Variants in CNTN5 observed in about 807,000 individuals in gnomAD.
CNTN5 encodes the protein contactin-5.
Under a neutral mutation model 129.1 loss-of-function variants are expected in CNTN5, and 77 were observed. That is an observed-to-expected ratio of 0.60 (90% CI 0.50 to 0.72). The LOEUF (loss-of-function observed/expected upper bound fraction) is 0.72, where lower values mean the gene tolerates loss of function less well. Ranked by LOEUF, CNTN5 falls within the 30% of genes least tolerant of loss-of-function variation. The pLI is 0.00. For synonymous variants in CNTN5, 509 were observed against 465.6 expected (o/e 1.09, Z -1.20); for missense variants, 1,478 against 1,328.8 (o/e 1.11, Z -1.75).
chr11:100,022,974 G>A (rs946013095), intron 9 of CNTN5, among the ~76,000 whole-genome samples: 1 of 151,808 alleles, frequency 6.6e-6, no homozygotes, highest in African/African-American at 2.4e-5. Flanking sequence ...AAGTTTTATG[G>A]AATTTTATTA....
At chr11:99,412,889 A>T (rs1942463736) in intron 2 of CNTN5, among the ~76,000 whole-genome samples, 1 of 152,198 alleles carries the variant, frequency 6.6e-6, no homozygotes, top group African/African-American at 2.4e-5. Flanking sequence ...ACCCTGCATC[A>T]ATCAGAGCAG....
chr11:99,073,331 T>A (rs4262699), intron 1 of CNTN5, among the ~76,000 whole-genome samples: 62,546 of 148,646 alleles, frequency 0.42, 13,939 homozygotes, highest in African/African-American at 0.55. Flanking sequence ...GAGCCAGACA[T>A]GTGCATGCGT....
chr11:99,830,890 A>G (rs1947118562), intron 4 of CNTN5, among the ~76,000 whole-genome samples: 1 of 152,158 alleles, frequency 6.6e-6, no homozygotes, highest in Non-Finnish European at 1.5e-5. Context: ...GAGCTTAACA[A>G]ATATTAAATA....
chr11:99,569,630 C>A (rs772837446), intron 3 of CNTN5, among the ~76,000 whole-genome samples: 3 of 152,122 alleles, frequency 2.0e-5, no homozygotes, highest in Non-Finnish European at 2.9e-5. Flanking sequence ...GCTCCAGAAT[C>A]CTTCTATTGT....
chr11:99,478,864 C>T (rs1267404251), intron 2 of CNTN5, among the ~76,000 whole-genome samples: 1 of 152,070 alleles, frequency 6.6e-6, no homozygotes, highest in East Asian at 1.9e-4. Flanking sequence ...TTCTATTACA[C>T]AGAGCAAATG....
chr11:99,569,550 G>C (rs1949113315), intron 3 of CNTN5, among the ~76,000 whole-genome samples: 1 of 152,126 alleles, frequency 6.6e-6, no homozygotes, highest in South Asian at 2.1e-4. Flanking sequence ...CTGACCTTGT[G>C]GTCCGCCTGC....
intron 23 of CNTN5, among the ~76,000 whole-genome samples, chr11:100,342,744 C>A (rs1267191984): frequency 6.6e-6 from 1 of 152,072 alleles, no homozygotes; most frequent in Non-Finnish European, 1.5e-5. Context: ...CTAACGTTGG[C>A]CCAGATAGAA....
chr11:99,880,473 A>G (rs947304562), intron 6 of CNTN5, among the ~76,000 whole-genome samples: 2 of 152,184 alleles, frequency 1.3e-5, no homozygotes, highest in Non-Finnish European at 2.9e-5. Context: ...ACAAAACAGG[A>G]CTGGCACTGT....
intron 1 of CNTN5, among the ~76,000 whole-genome samples, chr11:99,201,359 C>CTTCCTTCCTTCT (rs1392154173): frequency 3.5e-5 from 5 of 144,056 alleles, no homozygotes; most frequent in African/African-American, 1.3e-4. Context: ...CCTTTCCTTC[C>CTTCCTTCCTTCT]TTCCTTCCTT....
At chr11:99,023,960 A>G (rs2135058842) in intron 1 of CNTN5, among the ~76,000 whole-genome samples, 1 of 152,286 alleles carries the variant, frequency 6.6e-6, no homozygotes, top group East Asian at 1.9e-4. Context: ...GATGTTAAGA[A>G]CCGTGTTGTA....
chr11:99,921,873 C>G (rs1283365177), intron 7 of CNTN5, among the ~76,000 whole-genome samples: 1 of 152,046 alleles, frequency 6.6e-6, no homozygotes, highest in Non-Finnish European at 1.5e-5. Context: ...AGCTATGTAA[C>G]AAGAAAACCT....
rs578046585 is a variant in CNTN5, at chr11:99,207,071, G to T, written c.-209-118275G>T. On this transcript the variant is annotated intron_variant, in intron 1 of 24. Transcript: ENST00000524871. The stretch of plus-strand genomic sequence containing the variant: ...CTTAGTCACAAGCAGTATTATTACA[G>T]CTCTTACTGTATTCTAATTATTTTT... Among the ~76,000 whole-genome samples, 118 of 151,914 alleles carry T rather than the reference G, an allele frequency of 7.8e-4. 1 individual carries two copies. The highest frequency in any genetic ancestry group is 2.2e-4 in the Non-Finnish European group (15 of 67,952).
At chr11:99,796,307 T>A (rs1480237685) in intron 3 of CNTN5, among the ~76,000 whole-genome samples, 1 of 152,016 alleles carries the variant, frequency 6.6e-6, no homozygotes, top group Admixed American at 6.6e-5. Flanking sequence ...CAGCCGGCAC[T>A]CATAGCGTGG....
chr11:99,613,685 G>A (rs1950665945), intron 3 of CNTN5, among the ~76,000 whole-genome samples: 1 of 151,612 alleles, frequency 6.6e-6, no homozygotes, highest in Non-Finnish European at 1.5e-5. Flanking sequence ...TTATAGTAAA[G>A]TAATATCAGG....
At chr11:99,217,278 A>T (rs201244813) in intron 1 of CNTN5, among the ~76,000 whole-genome samples, 83 of 9,320 alleles carry the variant, frequency 8.9e-3, no homozygotes, top group African/African-American at 0.044. Flanking sequence ...GATCTGTCTT[A>T]AGACATTTAT....
intron 6 of CNTN5, among the ~76,000 whole-genome samples, chr11:99,880,714 A>G (rs1225976662): frequency 6.6e-6 from 1 of 152,224 alleles, no homozygotes; most frequent in Non-Finnish European, 1.5e-5. Context: ...CCTTGACAAA[A>G]AATAATTTGT....
intron 1 of CNTN5, among the ~76,000 whole-genome samples, chr11:99,310,410 A>G (rs930408171): frequency 4.0e-5 from 6 of 151,534 alleles, no homozygotes; most frequent in African/African-American, 1.4e-4. Flanking sequence ...TGCGTGATAA[A>G]TTATCAATAA....
intron 15 of CNTN5, among the ~76,000 whole-genome samples, chr11:100,204,331 T>A: frequency 2.8e-5 from 3 of 107,828 alleles, no homozygotes; most frequent in African/African-American, 1.1e-4. Flanking sequence ...TATATATATA[T>A]ATATATATAT....
intron 7 of CNTN5, among the ~76,000 whole-genome samples, chr11:99,922,592 A>T (rs550046558): frequency 6.6e-6 from 1 of 152,278 alleles, no homozygotes; most frequent in East Asian, 1.9e-4. Context: ...TGTTCAACTG[A>T]TGCTTGATTG....
Sources: allele counts gnomAD v4.1 joint callset (sites outside exome capture counted in the v4.1 genomes callset), GRCh38; gene constraint gnomAD v4.1.1; transcripts MANE v1.5; gene names NCBI Gene and HGNC (gene_info 2026-07-23, HGNC 2026-07-21).